Variants in TMCC2 observed in about 807,000 individuals in gnomAD.
TMCC2 encodes transmembrane and coiled-coil domains protein 2.
Under a neutral mutation model 49.4 loss-of-function variants are expected in TMCC2, and 16 were observed. That is an observed-to-expected ratio of 0.32 (90% CI 0.22 to 0.49). The LOEUF (loss-of-function observed/expected upper bound fraction) is 0.49. Among genes scored for constraint, TMCC2 ranks in the 20% least tolerant of loss-of-function variants. TMCC2 has a pLI of 0.99. For missense variants in TMCC2, 762 were observed against 989.8 expected (o/e 0.77, Z 3.09); for synonymous variants, 397 against 434.1 (o/e 0.91, Z 1.06).
intron 2 of TMCC2, among the ~76,000 whole-genome samples, chr1:205,266,029 C>G (rs1661309251): frequency 1.1e-4 from 15 of 137,878 alleles, no homozygotes; most frequent in Middle Eastern, 5.5e-3. Context: ...ATCATGAGGT[C>G]AGGAGATCGC....
intron 2 of TMCC2, among the ~76,000 whole-genome samples, chr1:205,259,316 C>T (rs907800478): frequency 1.4e-4 from 21 of 151,148 alleles, no homozygotes; most frequent in African/African-American, 4.6e-4. Flanking sequence ...GGGTTCTTTG[C>T]GAGTCTGGGA....
intron 2 of TMCC2, among the ~76,000 whole-genome samples, chr1:205,255,990 A>G (rs1660856297): frequency 6.6e-6 from 1 of 152,188 alleles, no homozygotes; most frequent in South Asian, 2.1e-4. Context: ...ACCCCAAGTC[A>G]TCAGCCAACC....
intron 1 of TMCC2, among the ~76,000 whole-genome samples, chr1:205,239,456 C>A (rs1660183497): frequency 6.6e-6 from 1 of 152,156 alleles, no homozygotes; most frequent in Non-Finnish European, 1.5e-5. Context: ...CAAGCTGGCC[C>A]CCAGGGGATG....
rs74865444 is a variant in TMCC2, at chr1:205,268,841, G to A, written c.748-109G>A. The A allele has an allele frequency of 1.1e-5, 12 of 1,053,450 alleles. No homozygotes were observed. The East Asian group carries it at 2.2e-4, about 19-fold the overall frequency. The allele number at this position is 1,053,450 out of a possible 1,614,324, so 65.3% of individuals were successfully genotyped here. A position where few individuals can be genotyped will look rare whatever the true frequency, so the allele number is the denominator to read the frequency against. ...CTCTTGTGGTGGTTGTCTTCTTTTG[G>A]ACTCCTGCATCCATTTTCTAGATAG... is the stretch of plus-strand genomic sequence containing the variant. On this transcript the variant is annotated intron_variant, in intron 2 of 4. Coordinates refer to ENST00000358024, the MANE Select transcript of TMCC2 (RefSeq NM_014858.4).
chr1:205,233,066 TG>T (rs1659873944), intron 1 of TMCC2, among the ~76,000 whole-genome samples: 1 of 131,306 alleles, frequency 7.6e-6, no homozygotes, highest in Non-Finnish European at 1.5e-5. Context: ...AGCATAAGAG[TG>T]AGCTGGTTCT....
At chr1:205,246,733 C>T (rs1461518211) in intron 2 of TMCC2, 28 of 1,540,530 alleles carry the variant, frequency 1.8e-5, no homozygotes, top group Middle Eastern at 1.7e-4. Flanking sequence ...TTAGAAAAAT[C>T]CTGTCAAGCA....
At chr1:205,246,288 C>T (rs1049081323) in intron 2 of TMCC2, among the ~76,000 whole-genome samples, 5 of 64,610 alleles carry the variant, frequency 7.7e-5, no homozygotes, top group African/African-American at 2.8e-4. Flanking sequence ...GAGTACCTGG[C>T]AAGGGGTGTG....
rs375548862 is a variant in TMCC2, at chr1:205,262,193, C to G, written c.748-6757C>G. On this transcript the variant is annotated intron_variant, in intron 2 of 4. Coordinates refer to ENST00000358024, the MANE Select transcript of TMCC2 (RefSeq NM_014858.4). ...CCTTCTTCAGACATGCCAGCTCCCT[C>G]CACGGGGAAGGAGAGCAAAGTGATG... 5.9e-5 allele frequency among the ~76,000 whole-genome samples: 9 copies of G among 152,282 alleles called. No individual in the cohort carries two copies. The East Asian group carries it at 1.5e-3, about 26-fold the overall frequency.
In TMCC2 at chr1:205,228,018, C is replaced by T. The variant is rs1659641678; in HGVS notation, c.-547C>T. On this transcript the variant is annotated 5_prime_UTR_variant, in exon 1 of 5. Coordinates refer to ENST00000358024, the MANE Select transcript of TMCC2 (RefSeq NM_014858.4). The stretch of plus-strand genomic sequence containing the variant: ...TGCGCGTCAGGCGGGGAGCGGGGCG[C>T]GCGGGCCGGGGAGGGGGCCGGGCGC... Among the ~76,000 whole-genome samples, 1 of 147,372 alleles carries T rather than the reference C, an allele frequency of 6.8e-6. No individual in the cohort carries two copies. Among genetic ancestry groups the T allele is most frequent in the Non-Finnish European group, 1.5e-5 (1 of 66,206 alleles).
rs142488176 is a variant in TMCC2, at chr1:205,241,990, C to T, written c.693C>T (p.Ala231=). The change falls in exon 2 of 5, where the codon GCC becomes GCT. Residue 231 remains alanine (A), a synonymous_variant. Coordinates refer to ENST00000358024, the MANE Select transcript of TMCC2 (RefSeq NM_014858.4). The surrounding 1 kb of genome is among the most constrained non-coding windows in gnomAD (Gnocchi z 7.3). Reference sequence around the variant, plus strand: ...CCACCGACACTGCTCTGCTGCTGGCCGACGGCAGCAACGTGTACCTCCTGG... The same window carrying T: ...CCACCGACACTGCTCTGCTGCTGGCTGACGGCAGCAACGTGTACCTCCTGG... The part of the protein sequence containing the change: ...SSTTDTALLL[A]DGSNVYLLAE... The T allele has an allele frequency of 3.5e-5, 56 of 1,609,396 alleles. 1 individual carries two copies. Among genetic ancestry groups the T allele is most frequent in the African/African-American group, 6.7e-5 (5 of 74,944 alleles).
chr1:205,246,452 T>C, intron 2 of TMCC2: 4 of 1,362,162 alleles, frequency 2.9e-6, no homozygotes. Flanking sequence ...GAGGCATAAA[T>C]TTGGGAGTTG....
At chr1:205,254,594 TCCCTCCTGA>T (rs1348244878) in intron 2 of TMCC2, among the ~76,000 whole-genome samples, 10 of 152,326 alleles carry the variant, frequency 6.6e-5, no homozygotes, top group African/African-American at 2.2e-4. Context: ...AACTATTGGT[TCCCTCCTGA>T]ACCCCTGTTT....
chr1:205,255,469 C>A lies in TMCC2; in HGVS notation c.747+13425C>A, dbSNP rs2102578291. On this transcript the variant is annotated intron_variant, in intron 2 of 4. Transcript: ENST00000358024. ...ACTTGGGAGACTGAAGCAGGAGAAT[C>A]GGTTGAACCCAGGAGGTGGAGGTTG... is the stretch of plus-strand genomic sequence containing the variant. Among the ~76,000 whole-genome samples the A allele has an allele frequency of 1.3e-5, 2 of 152,226 alleles. 1 individual carries two copies. Among genetic ancestry groups the A allele is most frequent in the South Asian group, 4.1e-4 (2 of 4,824 alleles).
At chr1:205,268,190 C>A in intron 2 of TMCC2, 1 of 498,452 alleles carries the variant, frequency 2.0e-6, no homozygotes, top group Non-Finnish European at 2.6e-6. Flanking sequence ...GAGGGAGAGG[C>A]CTGCTCAAGG....
rs1414137895 is a variant in TMCC2, at chr1:205,241,805, A to C, written c.508A>C (p.Ser170Arg). The change falls in exon 2 of 5, where the codon AGC becomes CGC. Residue 170 changes from serine (S) to arginine (R), a missense_variant. Ser to Arg is a moderately radical substitution (Grantham distance 110). This residue lies in a region of TMCC2 where 322 missense variants were observed against 353.1 expected (regional missense o/e 0.91). Coordinates refer to ENST00000358024, the MANE Select transcript of TMCC2 (RefSeq NM_014858.4). The surrounding 1 kb of genome is among the most constrained non-coding windows in gnomAD (Gnocchi z 7.3). ...CAAGCGGGGCGCCAGCCTGCACAGCAGCAGTGGGGGCGGCAGCAGCGGGAG... is the reference window on the plus strand; with the variant it reads ...CAAGCGGGGCGCCAGCCTGCACAGCCGCAGTGGGGGCGGCAGCAGCGGGAG... Reference protein sequence around the residue: ...SIKRGASLHSSSGGGSSGSSS... With the variant: ...SIKRGASLHSRSGGGSSGSSS... 6.2e-7 allele frequency: 1 copy of C among 1,607,084 alleles called. No individual in the cohort carries two copies. Among genetic ancestry groups the C allele is most frequent in the East Asian group, 2.2e-5 (1 of 44,646 alleles).
Position 205,230,164 on chromosome 1 carries a change from G to A in TMCC2, c.207+1393G>A, listed in dbSNP as rs564233978. 1.0e-5 allele frequency: 10 copies of A among 985,588 alleles called. No homozygotes were observed. The East Asian group carries it at 1.1e-3, about 112-fold the overall frequency. The allele number at this position is 985,588 out of a possible 1,614,324, so 61.1% of individuals were successfully genotyped here. On this transcript the variant is annotated intron_variant, in intron 1 of 4. Coordinates refer to ENST00000358024, the MANE Select transcript of TMCC2 (RefSeq NM_014858.4). Reference sequence around the variant, plus strand: ...AGCAGCTCAGAGTCAGGAAGTCAGAGCGCAGGTGAGTGTGTGTGCTCTTAC... The same window carrying A: ...AGCAGCTCAGAGTCAGGAAGTCAGAACGCAGGTGAGTGTGTGTGCTCTTAC...
chr1:205,245,871 G>A (rs952218622), intron 2 of TMCC2, among the ~76,000 whole-genome samples: 1 of 151,516 alleles, frequency 6.6e-6, no homozygotes, highest in Admixed American at 6.6e-5. Context: ...CACCTCCTGG[G>A]TTCAAGTGAT....
rs1169627810 is a variant in TMCC2, at chr1:205,246,480, T to A, written c.747+4436T>A. ...GGGAGTTGTCAGCATATAGATAGTA[T>A]TTAAAATGATGGGACTGAACCATTT... is the stretch of plus-strand genomic sequence containing the variant. On this transcript the variant is annotated intron_variant, in intron 2 of 4. Transcript: ENST00000358024. The A allele has an allele frequency of 2.1e-6, 3 of 1,437,900 alleles. No homozygotes were observed. The East Asian group carries it at 7.8e-5, about 37-fold the overall frequency. 89.1% of individuals were successfully genotyped at this position (1,437,900 alleles called of 1,614,324 possible).
At chr1:205,242,103 G>A (rs2102545457) in intron 2 of TMCC2, 59 bp downstream of exon 2, 2 of 1,496,598 alleles carry the variant, frequency 1.3e-6, no homozygotes, top group Non-Finnish European at 1.8e-6. Context: ...CCGCTGAGGG[G>A]CCTTGAGACC....
Sources: allele counts gnomAD v4.1 joint callset (sites outside exome capture counted in the v4.1 genomes callset), GRCh38; gene constraint gnomAD v4.1.1; regional missense constraint gnomAD v4.1.1; non-coding constraint Gnocchi (gnomAD v3.1); transcripts MANE v1.5; gene names NCBI Gene and HGNC (gene_info 2026-07-23, HGNC 2026-07-21).